Variants in WAS observed in about 807,000 individuals in gnomAD.
WAS encodes the protein WASP actin nucleation promoting factor.
Under a neutral mutation model 38.9 loss-of-function variants are expected in WAS, and 1 was observed. The observed-to-expected ratio is 0.03, with a 90% CI of 0.01 to 0.12. The LOEUF (loss-of-function observed/expected upper bound fraction) is 0.12, where lower values mean the gene tolerates loss of function less well. WAS is among the 10% of genes least tolerant of loss of function. The pLI is 1.00. For missense variants in WAS, 311 were observed against 431.2 expected (o/e 0.72, Z 2.47); for synonymous variants, 182 against 173.6 (o/e 1.05, Z -0.38).
chrX:48,688,238 T>C (rs2062426215), intron 8 of WAS, 62 bp from the exon 9 acceptor site: 3 of 1,163,771 alleles, frequency 2.6e-6, no homozygotes, highest in African/African-American at 3.6e-5. Flanking sequence ...CGACAATCCA[T>C]GTCGCTTGTC....
upstream of WAS, among the ~76,000 whole-genome samples, chrX:48,681,985 G>A (rs782198852): frequency 3.6e-5 from 4 of 112,244 alleles, no homozygotes; most frequent in South Asian, 1.5e-3. Context: ...CTGTATCTGA[G>A]AGCTTCAAGT....
At chrX:48,677,175 G>GA (rs1368847880) in intron 1 of WAS, among the ~76,000 whole-genome samples, 3 of 111,321 alleles carry the variant, frequency 2.7e-5, no homozygotes, top group Non-Finnish European at 5.7e-5. Flanking sequence ...AGGGCTCCAG[G>GA]AGCCTGTCCC....
chrX:48,683,637 C>A, upstream of WAS: 1 of 460,736 alleles, frequency 2.2e-6, no homozygotes, highest in Non-Finnish European at 3.6e-6. Flanking sequence ...AAAGGTGGGT[C>A]TAAGCAGTCA....
chrX:48,686,740 G>A (rs782693720), intron 6 of WAS, 41 bp from the exon 7 acceptor site: 1 of 1,204,663 alleles, frequency 8.3e-7, no homozygotes, highest in Non-Finnish European at 1.1e-6. Context: ...TGGTTGGTTG[G>A]TAAGTGGGTC....
At chrX:48,689,093 G>A in intron 10 of WAS, 27 bp downstream of exon 10, 1 of 1,183,939 alleles carries the variant, frequency 8.4e-7, no homozygotes, top group Non-Finnish European at 1.1e-6. Context: ...TGGAGGATTG[G>A]GGGTCTAGGA....
At chrX:48,682,632 C>T (rs909586597), upstream of WAS, among the ~76,000 whole-genome samples, 1 of 111,809 alleles carries the variant, frequency 8.9e-6, no homozygotes, top group African/African-American at 3.3e-5. Flanking sequence ...CGGTGGCTCA[C>T]GCCTGTAATT....
chrX:48,689,996 C>CA (rs1425722474), intron 11 of WAS, among the ~76,000 whole-genome samples: 1,398 of 81,921 alleles, frequency 0.017, 24 homozygotes, highest in African/African-American at 0.058. Context: ...GATCCTATCT[C>CA]AAAAAAAAAA....
chrX:48,688,293 T>C lies in WAS; in HGVS notation c.778-7T>C, dbSNP rs1557007008. The C allele has an allele frequency of 1.7e-6, 2 of 1,200,386 alleles. No individual in the cohort carries two copies. Among genetic ancestry groups the C allele is most frequent in the Non-Finnish European group, 2.2e-6 (2 of 889,231 alleles). On this transcript the variant is annotated splice_polypyrimidine_tract_variant and splice_region_variant and intron_variant, in intron 8 of 11. Transcript: ENST00000376701. ...CTCCTGCCCCTGGCCTTTTTCCTCC[T>C]GGGCAGGTGAACAACCTCGACCCAG...
At chrX:48,679,172 C>T (rs996536849), upstream of WAS, among the ~76,000 whole-genome samples, 3 of 109,700 alleles carry the variant, frequency 2.7e-5, no homozygotes, top group African/African-American at 1.0e-4. Context: ...AGGCATATGC[C>T]ACCACACCCA....
Position 48,685,976 on chromosome X carries a change from C to G in WAS, c.494C>G (p.Pro165Arg). 8.3e-7 allele frequency: 1 copy of G among 1,211,829 alleles called. No individual in the cohort carries two copies. The highest frequency in any genetic ancestry group is 1.1e-6 in the Non-Finnish European group (1 of 895,509). ...CGCCAGCTACCCCCACCACCAACAC[C>G]AGCCAATGAAGGTGAGTCCTCTAGT... is the stretch of plus-strand genomic sequence containing the variant. ...DRRQLPPPPT[P>R]ANEERRGGLP... Residue 165 changes from proline to arginine, a missense_variant, in exon 5 of 12, where the codon CCA becomes CGA. By Grantham distance (103) the Pro-to-Arg change is moderately radical. Transcript: ENST00000376701.
rs371005311 is a variant in WAS at position 48,686,839 on chromosome X, C to T, written c.618C>T (p.Asp206=). ...GLATVDIQNP[D]ITSSRYRGLP... Reference sequence around the variant, plus strand: ...CGACAGTGGACATCCAGAACCCTGACATCACGAGTTCACGATACCGTGGGC... The same window carrying T: ...CGACAGTGGACATCCAGAACCCTGATATCACGAGTTCACGATACCGTGGGC... The change falls in exon 7 of 12, where the codon GAC becomes GAT. Residue 206 remains aspartate, a synonymous_variant. Coordinates refer to ENST00000376701, the MANE Select transcript of WAS (RefSeq NM_000377.3). 2.9e-5 allele frequency: 35 copies of T among 1,210,511 alleles called. No homozygotes were observed. Among genetic ancestry groups the T allele is most frequent in the South Asian group, 5.3e-5 (3 of 56,877 alleles).
intron 7 of WAS, among the ~76,000 whole-genome samples, chrX:48,687,198 TC>T (rs2062422990): frequency 9.0e-6 from 1 of 111,481 alleles, no homozygotes; most frequent in Non-Finnish European, 1.9e-5. Context: ...TTCCTGACTC[TC>T]AGAGTGAGTG....
chrX:48,685,962 C>T lies in WAS; in HGVS notation c.480C>T (p.Pro160=). 2.5e-6 allele frequency: 3 copies of T among 1,211,838 alleles called. No homozygotes were observed. Among genetic ancestry groups the T allele is most frequent in the Non-Finnish European group, 3.3e-6 (3 of 895,540 alleles). ...QRQSGDRRQL[P]PPPTPANEER... is the part of the protein sequence containing the mutation. ...TATCCACAGACAGACGCCAGCTACC[C>T]CCACCACCAACACCAGCCAATGAAG... The change falls in exon 5 of 12, where the codon CCC becomes CCT. Residue 160 remains proline (P), a synonymous_variant. Coordinates refer to ENST00000376701, the MANE Select transcript of WAS (RefSeq NM_000377.3).
rs1557007203 is a variant in WAS at position 48,688,840 on chromosome X, C to T, written c.1112C>T (p.Pro371Leu). 5.3e-6 allele frequency: 6 copies of T among 1,141,493 alleles called. No individual in the cohort carries two copies. Among genetic ancestry groups the T allele is most frequent in the Non-Finnish European group, 7.0e-6 (6 of 858,860 alleles). 94.1% of individuals were successfully genotyped at this position (1,141,493 alleles called of 1,213,427 possible). ...GGCCGAGGGGGCCCTCCACCACCAC[C>T]CCCTCCAGCTACTGGACGTTCTGGA... ...PPGRGGPPPP[P>L]PPATGRSGPL... Residue 371 changes from proline (P) to leucine (L), a missense_variant, in exon 10 of 12, where the codon CCC (proline) becomes CTC (leucine). Pro to Leu is a moderately conservative substitution (Grantham distance 98, BLOSUM62 -3). Around this residue, in one of 4 missense-constraint regions of WAS, gnomAD observed 142 missense variants for 157.6 expected, o/e 0.90. Coordinates refer to ENST00000376701, the MANE Select transcript of WAS (RefSeq NM_000377.3).
Position 48,688,438 on chromosome X carries a change from G to A in WAS, c.916G>A (p.Glu306Lys), listed in dbSNP as rs1557007052. Residue 306 changes from glutamate (E) to lysine (K), a missense_variant, in exon 9 of 12, where the codon GAG becomes AAG. Physicochemically the swap from Glu to Lys is moderately conservative, Grantham distance 56. Around this residue, in one of 4 missense-constraint regions of WAS, gnomAD observed 74 missense variants for 131.2 expected, o/e 0.56. Transcript: ENST00000376701. ...GGGTGGGCTGGAGGCTGTGCGGCAG[G>A]AGATGAGGCGCCAGGGTGAGACCCT... Reference protein sequence around the residue: ...DQGGLEAVRQEMRRQEPLPPP... With the variant: ...DQGGLEAVRQKMRRQEPLPPP... 1.7e-6 allele frequency: 2 copies of A among 1,211,092 alleles called. No individual in the cohort carries two copies. The highest frequency in any genetic ancestry group is 1.8e-5 in the South Asian group (1 of 56,838).
At chrX:48,679,590 G>T (rs2062397125), upstream of WAS, among the ~76,000 whole-genome samples, 1 of 110,122 alleles carries the variant, frequency 9.1e-6, no homozygotes, top group African/African-American at 3.3e-5. Context: ...TTCAGACCAG[G>T]CTGGGCAACA....
upstream of WAS, among the ~76,000 whole-genome samples, chrX:48,680,146 G>A (rs782772227): frequency 8.9e-6 from 1 of 111,849 alleles, no homozygotes; most frequent in African/African-American, 3.3e-5. Context: ...TTTTGTTGGA[G>A]CTCAGTTATG....
rs782422248 is a variant in WAS at position 48,686,304 on chromosome X, C to T, written c.559+170C>T. Among the ~76,000 whole-genome samples the T allele has an allele frequency of 3.6e-5, 4 of 110,378 alleles. No individual in the cohort carries two copies. The South Asian group carries it at 1.5e-3, about 42-fold the overall frequency. ...ACTGATGGATGGGTGGATGGATTGG[C>T]GGTAGATGGCTGAGTAGAGGGATGA... On this transcript the variant is annotated intron_variant, in intron 6 of 11. Transcript: ENST00000376701.
chrX:48,685,403 A>G (rs1259482086), intron 2 of WAS, 144 bp from the exon 3 acceptor site: 1 of 507,414 alleles, frequency 2.0e-6, no homozygotes, highest in Non-Finnish European at 3.5e-6. Context: ...TTAGACACCA[A>G]CTCTCTGGTG....
Sources: allele counts gnomAD v4.1 joint callset (sites outside exome capture counted in the v4.1 genomes callset), GRCh38; gene constraint gnomAD v4.1.1; regional missense constraint gnomAD v4.1.1; transcripts MANE v1.5; gene names NCBI Gene and HGNC (gene_info 2026-07-23, HGNC 2026-07-21).